SLC66A1: variants seen among roughly 807,000 people sequenced by gnomAD.
SLC66A1 encodes solute carrier family 66 member 1.
Under a neutral mutation model 33.0 loss-of-function variants are expected in SLC66A1, and 23 were observed. The ratio of observed to expected loss-of-function variants is 0.70; its 90% confidence interval spans 0.50 to 0.99. The LOEUF (loss-of-function observed/expected upper bound fraction) is 0.99, where lower values mean the gene tolerates loss of function less well. SLC66A1 is among the 50% of genes least tolerant of loss of function. The pLI is 0.00. For synonymous variants in SLC66A1, 164 were observed against 175.5 expected (o/e 0.93, Z 0.52); for missense variants, 335 against 383.6 (o/e 0.87, Z 1.06).
rs374230787 is a variant in SLC66A1, at chr1:19,320,657, C to T, written c.164+2816C>T. On this transcript the variant is annotated intron_variant, in intron 2 of 7. Transcript: ENST00000375153. ...GTCTCGATTTCCTGACCTTGTGATC[C>T]GCCCGCCTTGGCCTCCCAAAGTGCT... 2.7e-4 allele frequency among the ~76,000 whole-genome samples: 41 copies of T among 151,814 alleles called. 1 individual carries two copies. The highest frequency in any genetic ancestry group is 7.0e-4 in the African/African-American group (29 of 41,266).
rs756272440 is a variant in SLC66A1 at position 19,327,291 on chromosome 1, C to T, written c.683C>T (p.Thr228Met). 2.5e-6 allele frequency: 4 copies of T among 1,613,714 alleles called. No individual in the cohort carries two copies. The highest frequency in any genetic ancestry group is 1.7e-5 in the Admixed American group (1 of 59,948). ...SLFALVMLGN[T>M]LYGLSVLLKN... ...TTCGCGCTGGTGATGCTGGGGAACA[C>T]GCTGTATGGGCTGAGCGTGCTGCTC... The change falls in exon 7 of 8, where the codon ACG becomes ATG. Residue 228 changes from threonine to methionine, a missense_variant. Coordinates refer to ENST00000375153, the MANE Select transcript of SLC66A1 (RefSeq NM_001040125.2).
chr1:19,317,396 A>G (rs1416970893), intron 1 of SLC66A1, among the ~76,000 whole-genome samples: 2 of 152,210 alleles, frequency 1.3e-5, no homozygotes, highest in Non-Finnish European at 2.9e-5. Flanking sequence ...CGCTGCCTGC[A>G]TGTGTCTGTA....
downstream of SLC66A1, among the ~76,000 whole-genome samples, chr1:19,334,193 A>G (rs1448910048): frequency 6.6e-6 from 1 of 152,214 alleles, no homozygotes; most frequent in Non-Finnish European, 1.5e-5. Context: ...TCATAACCCC[A>G]GTACTCAGTA....
intron 2 of SLC66A1, among the ~76,000 whole-genome samples, chr1:19,321,793 G>C (rs6669824): frequency 0.29 from 41,423 of 144,146 alleles, 6,773 homozygotes; most frequent in South Asian, 0.37. Flanking sequence ...TCTCGAACTC[G>C]TGACCTCAGG....
intron 3 of SLC66A1, 22 bp from the exon 4 acceptor site, chr1:19,325,473 G>A (rs2093859064): frequency 1.3e-6 from 2 of 1,555,466 alleles, no homozygotes. Context: ...GCCAACCCCT[G>A]GGCCCCCTGC....
chr1:19,317,619 A>T lies in SLC66A1; in HGVS notation c.-59A>T. 1.3e-6 allele frequency: 2 copies of T among 1,589,974 alleles called. No homozygotes were observed. The highest frequency in any genetic ancestry group is 1.7e-4 in the Middle Eastern group (1 of 5,804). ...CTGTAGAACCCTTGCTGGCCTCAGA[A>T]CACCAGCGCCCTCCCTCCGGTGCAG... On this transcript the variant is annotated 5_prime_UTR_variant, in exon 2 of 8. Coordinates refer to ENST00000375153, the MANE Select transcript of SLC66A1 (RefSeq NM_001040125.2).
chr1:19,317,949 A>T, intron 2 of SLC66A1, 108 bp downstream of exon 2: 1 of 1,474,660 alleles, frequency 6.8e-7, no homozygotes, highest in Non-Finnish European at 9.2e-7. Flanking sequence ...GCCTCTCCAG[A>T]CTAGAGGCTG....
chr1:19,330,267 G>C (rs1477847790), downstream of SLC66A1, among the ~76,000 whole-genome samples: 1 of 152,194 alleles, frequency 6.6e-6, no homozygotes, highest in Non-Finnish European at 1.5e-5. Context: ...ACCAGAACCA[G>C]GGACTTGGGG....
chr1:19,325,639 G>C lies in SLC66A1; in HGVS notation c.382+57G>C, dbSNP rs567080392. ...TCTACCAGCAGCAGGGGGCAGTTGTGGGGGGGGGCGCCTGGAGTGTGGGAG... is the reference window on the plus strand; with the variant it reads ...TCTACCAGCAGCAGGGGGCAGTTGTCGGGGGGGGCGCCTGGAGTGTGGGAG... On this transcript the variant is annotated intron_variant, in intron 4 of 7. Transcript: ENST00000375153. 274 of 1,087,766 alleles carry C rather than the reference G, an allele frequency of 2.5e-4. 8 individuals carry two copies. Among genetic ancestry groups the C allele is most frequent in the South Asian group, 1.2e-3 (89 of 76,664 alleles). The allele number at this position is 1,087,766 out of a possible 1,614,324, so 67.4% of individuals were successfully genotyped here.
At chr1:19,330,704 G>A (rs1460756107), downstream of SLC66A1, among the ~76,000 whole-genome samples, 1 of 152,176 alleles carries the variant, frequency 6.6e-6, no homozygotes, top group Non-Finnish European at 1.5e-5. Context: ...CTTACAAGGA[G>A]CCTTGAAAGC....
chr1:19,314,804 C>G (rs924563936), intron 1 of SLC66A1, among the ~76,000 whole-genome samples: 6 of 152,162 alleles, frequency 3.9e-5, no homozygotes, highest in African/African-American at 1.4e-4. Flanking sequence ...TGGGGGTGCA[C>G]CCCAGTTGGC....
Position 19,325,479 on chromosome 1 carries a change from C to G in SLC66A1, c.295-16C>G. 1 of 1,576,910 alleles carries G rather than the reference C, an allele frequency of 6.3e-7. No homozygotes were observed. Among genetic ancestry groups the G allele is most frequent in the Non-Finnish European group, 8.7e-7 (1 of 1,147,076 alleles). On this transcript the variant is annotated splice_polypyrimidine_tract_variant and intron_variant, in intron 3 of 7. Coordinates refer to ENST00000375153, the MANE Select transcript of SLC66A1 (RefSeq NM_001040125.2). The stretch of plus-strand genomic sequence containing the variant: ...TGGGACTGCGCCAACCCCTGGGCCC[C>G]CTGCATCTCTTACAGACCTACACGG...
intron 2 of SLC66A1, among the ~76,000 whole-genome samples, chr1:19,320,630 T>C (rs1000439086): frequency 1.3e-5 from 2 of 151,996 alleles, no homozygotes; most frequent in East Asian, 1.9e-4. Flanking sequence ...TTAGCCAGGA[T>C]GGTCTCGATT....
downstream of SLC66A1, among the ~76,000 whole-genome samples, chr1:19,333,005 G>A (rs765355869): frequency 2.6e-5 from 4 of 152,174 alleles, no homozygotes; most frequent in South Asian, 2.1e-4. The surrounding 1 kb of genome is among the most constrained non-coding windows in gnomAD (Gnocchi z 4.2). Context: ...AGTGACATGC[G>A]CAGTGCCTGG....
At chr1:19,315,999 A>G (rs1423598663) in intron 1 of SLC66A1, among the ~76,000 whole-genome samples, 1 of 152,014 alleles carries the variant, frequency 6.6e-6, no homozygotes, top group Non-Finnish European at 1.5e-5. Context: ...CACCGGTCCG[A>G]GCTGTGGTGA....
chr1:19,317,417 G>A (rs1027250995), intron 1 of SLC66A1, among the ~76,000 whole-genome samples, 183 bp from the exon 2 acceptor site: 1 of 152,236 alleles, frequency 6.6e-6, no homozygotes, highest in African/African-American at 2.4e-5. Context: ...GTTGGCGTGT[G>A]TTTGCTGTGA....
At position 19,317,716 on chromosome 1, in the gene SLC66A1, C is replaced by G. The variant is rs2093813175; in HGVS notation, c.39C>G (p.Ser13Arg). ...WKKLGSRNFS[S>R]CPSGSIQWIW... ...AACTGGGCTCCCGCAACTTCTCCAG[C>G]TGCCCCAGTGGCTCCATCCAGTGGA... The change falls in exon 2 of 8, where the codon AGC becomes AGG. Residue 13 changes from serine (S) to arginine (R), a missense_variant. By Grantham distance (110) the Ser-to-Arg change is moderately radical. Coordinates refer to ENST00000375153, the MANE Select transcript of SLC66A1 (RefSeq NM_001040125.2). The G allele has an allele frequency of 2.5e-6, 4 of 1,614,204 alleles. No individual in the cohort carries two copies. The highest frequency in any genetic ancestry group is 3.4e-6 in the Non-Finnish European group (4 of 1,180,012).
rs1479414528 is a variant in SLC66A1 at position 19,317,538 on chromosome 1, G to A, written c.-78-62G>A. The A allele has an allele frequency of 3.4e-6, 5 of 1,458,642 alleles. No individual in the cohort carries two copies. In the East Asian group the frequency reaches 1.2e-4, roughly 35 times the overall value. 90.4% of individuals were successfully genotyped at this position (1,458,642 alleles called of 1,614,324 possible). A position where few individuals can be genotyped will look rare whatever the true frequency, so the allele number is the denominator to read the frequency against. ...AAAGGCTGGGATGAGCTTAGTTTGG[G>A]ATGACCATGAATAGGACCTGGACCT... is the stretch of plus-strand genomic sequence containing the variant. On this transcript the variant is annotated intron_variant, in intron 1 of 7. Transcript: ENST00000375153.
At chr1:19,316,490 G>C (rs1017933333) in intron 1 of SLC66A1, among the ~76,000 whole-genome samples, 1 of 151,500 alleles carries the variant, frequency 6.6e-6, no homozygotes, top group Non-Finnish European at 1.5e-5. Flanking sequence ...GGGCTCAAGC[G>C]ATTCTTCCAC....
Sources: gnomAD v4.1 joint callset for allele counts (sites outside exome capture counted in the v4.1 genomes callset) on GRCh38, gnomAD v4.1.1 for gene constraint, Gnocchi (gnomAD v3.1) non-coding constraint, MANE v1.5 for transcripts, NCBI Gene and HGNC (gene_info 2026-07-23, HGNC 2026-07-21) for gene names.